ZMAT4: variants seen among roughly 807,000 people sequenced by gnomAD.
ZMAT4 encodes the protein zinc finger matrin-type protein 4.
A neutral mutation model predicts 28.7 loss-of-function variants in ZMAT4; 17 were observed. The observed-to-expected ratio is 0.59, with a 90% CI of 0.41 to 0.89. ZMAT4 has a LOEUF of 0.89. ZMAT4 is among the 40% of genes least tolerant of loss of function. The pLI, the probability that ZMAT4 is intolerant of heterozygous loss-of-function variation, is 0.00. For synonymous variants in ZMAT4, 117 were observed against 109.2 expected (o/e 1.07, Z -0.44); for missense variants, 240 against 283.8 (o/e 0.85, Z 1.11).
chr8:40,544,478 C>G (rs541652512), intron 6 of ZMAT4, among the ~76,000 whole-genome samples: 14 of 152,116 alleles, frequency 9.2e-5, no homozygotes, highest in Admixed American at 2.6e-4. Flanking sequence ...TGTGTCTTAC[C>G]GATTGTCTCA....
intron 5 of ZMAT4, among the ~76,000 whole-genome samples, chr8:40,593,963 A>G (rs1421107651): frequency 6.6e-6 from 1 of 152,192 alleles, no homozygotes; most frequent in African/African-American, 2.4e-5. Flanking sequence ...TGTCTGCTGC[A>G]TCTCTGCAGT....
chr8:40,724,805 C>A lies in ZMAT4; in HGVS notation c.193-27404G>T, dbSNP rs77299229. Among the ~76,000 whole-genome samples, 780 of 152,232 alleles carry A rather than the reference C, an allele frequency of 5.1e-3. 6 individuals are homozygous for A. The highest frequency in any genetic ancestry group is 0.018 in the African/African-American group (739 of 41,550). Reference sequence around the variant, plus strand: ...GATGTGGAGATGAGAAAGGAGATGGCATCATCTGGAAAAGGGAAAGAAATG... The same window carrying A: ...GATGTGGAGATGAGAAAGGAGATGGAATCATCTGGAAAAGGGAAAGAAATG... On this transcript the variant is annotated intron_variant, in intron 3 of 6. Transcript: ENST00000297737.
intron 2 of ZMAT4, among the ~76,000 whole-genome samples, chr8:40,785,032 A>T (rs1013405626): frequency 6.6e-6 from 1 of 152,216 alleles, no homozygotes; most frequent in Non-Finnish European, 1.5e-5. Context: ...CCAGTGCTGG[A>T]CTGCAGGATA....
At chr8:40,796,613 C>CAT (rs1341013142) in intron 2 of ZMAT4, among the ~76,000 whole-genome samples, 1 of 152,164 alleles carries the variant, frequency 6.6e-6, no homozygotes, top group Non-Finnish European at 1.5e-5. Flanking sequence ...ACAGTTCTCC[C>CAT]TTAAATGCAC....
chr8:40,597,650 C>T (rs1805149339), intron 5 of ZMAT4, among the ~76,000 whole-genome samples: 1 of 152,124 alleles, frequency 6.6e-6, no homozygotes, highest in Admixed American at 6.5e-5. Flanking sequence ...TGCATTGAAC[C>T]TAACATTCAA....
intron 1 of ZMAT4, among the ~76,000 whole-genome samples, chr8:40,881,143 C>T (rs982844474): frequency 2.6e-5 from 4 of 151,996 alleles, no homozygotes; most frequent in African/African-American, 7.3e-5. Context: ...TTTGAGAGGC[C>T]GAACTGGGAG....
intron 6 of ZMAT4, among the ~76,000 whole-genome samples, chr8:40,563,113 A>G (rs1803801178): frequency 6.6e-6 from 1 of 152,020 alleles, no homozygotes. Flanking sequence ...CATAAACCTC[A>G]ATGCCCACCG....
At chr8:40,709,529 C>A (rs562238419) in intron 3 of ZMAT4, among the ~76,000 whole-genome samples, 92 of 152,236 alleles carry the variant, frequency 6.0e-4, no homozygotes, top group Non-Finnish European at 1.0e-3. Context: ...TGTTTTACTT[C>A]AAAAACAAAT....
intron 6 of ZMAT4, among the ~76,000 whole-genome samples, chr8:40,538,138 T>C (rs1434189604): frequency 2.0e-5 from 3 of 152,138 alleles, no homozygotes; most frequent in African/African-American, 4.8e-5. Flanking sequence ...ATACAGACTT[T>C]AAGTCTGATA....
intron 5 of ZMAT4, among the ~76,000 whole-genome samples, chr8:40,669,073 G>A (rs779594524): frequency 6.6e-6 from 1 of 152,116 alleles, no homozygotes; most frequent in Non-Finnish European, 1.5e-5. Context: ...CTATGGAAGA[G>A]AACTCTGATA....
At chr8:40,607,945 A>C (rs1442070422) in intron 5 of ZMAT4, among the ~76,000 whole-genome samples, 2 of 151,566 alleles carry the variant, frequency 1.3e-5, no homozygotes, top group Non-Finnish European at 2.9e-5. Flanking sequence ...AGGGGAGTGA[A>C]GTGGATTCTG....
intron 1 of ZMAT4, among the ~76,000 whole-genome samples, chr8:40,834,404 A>C (rs1253788224): frequency 6.6e-6 from 1 of 152,138 alleles, no homozygotes; most frequent in African/African-American, 2.4e-5. Context: ...AGCCCAGCCC[A>C]AGGCTTCAGA....
chr8:40,576,314 T>A (rs1367069263), intron 6 of ZMAT4, among the ~76,000 whole-genome samples: 1 of 147,910 alleles, frequency 6.8e-6, no homozygotes, highest in Non-Finnish European at 1.5e-5. Flanking sequence ...TAAACACAGC[T>A]CAAAAGTTCC....
intron 1 of ZMAT4, among the ~76,000 whole-genome samples, chr8:40,869,059 A>C (rs1817766664): frequency 6.6e-6 from 1 of 152,210 alleles, no homozygotes; most frequent in African/African-American, 2.4e-5. Flanking sequence ...CCACTGGTTT[A>C]GACGCTGTTC....
intron 2 of ZMAT4, among the ~76,000 whole-genome samples, chr8:40,793,633 G>C (rs13282442): frequency 6.6e-6 from 1 of 152,074 alleles, no homozygotes. Flanking sequence ...CAACGCTTGC[G>C]AACATTTCCA....
intron 3 of ZMAT4, among the ~76,000 whole-genome samples, chr8:40,752,545 A>G (rs1389897140): frequency 6.6e-6 from 1 of 151,676 alleles, no homozygotes; most frequent in African/African-American, 2.4e-5. Context: ...AGGTCCTCCC[A>G]CTCTCTGCAG....
chr8:40,809,342 A>G (rs1287525115), intron 2 of ZMAT4, among the ~76,000 whole-genome samples: 1 of 152,214 alleles, frequency 6.6e-6, no homozygotes, highest in African/African-American at 2.4e-5. Context: ...GGAGAGGGTC[A>G]TGGGTTGAAA....
In ZMAT4 at chr8:40,820,361, T is replaced by C. The variant is rs199598444; in HGVS notation, c.102+5214A>G. On this transcript the variant is annotated intron_variant, in intron 2 of 6. Transcript: ENST00000297737. ...GTGTGTGTTTATGTGTGTGTTTGTGTGTGTCTACGTGTGTGGGTGTGTAGA... is the reference window on the plus strand; with the variant it reads ...GTGTGTGTTTATGTGTGTGTTTGTGCGTGTCTACGTGTGTGGGTGTGTAGA... Among the ~76,000 whole-genome samples the C allele has an allele frequency of 1.1e-4, 17 of 151,510 alleles. No individual in the cohort carries two copies. In the East Asian group the frequency reaches 2.5e-3, roughly 23 times the overall value.
chr8:40,745,201 G>A (rs1424785396), intron 3 of ZMAT4, among the ~76,000 whole-genome samples: 1 of 152,148 alleles, frequency 6.6e-6, no homozygotes, highest in Non-Finnish European at 1.5e-5. Context: ...GGGAAGAAGG[G>A]AAGAAGTTGG....
Sources: allele counts gnomAD v4.1 joint callset (sites outside exome capture counted in the v4.1 genomes callset), GRCh38; gene constraint gnomAD v4.1.1; transcripts MANE v1.5; gene names NCBI Gene and HGNC (gene_info 2026-07-23, HGNC 2026-07-21).